The following SERP2 variants were observed in gnomAD, a reference collection of about 807,000 sequenced individuals.
The protein encoded by SERP2 is stress associated endoplasmic reticulum protein family member 2.
Under a neutral mutation model 9.1 loss-of-function variants are expected in SERP2, and 6 were observed. The observed-to-expected ratio is 0.66, with a 90% CI of 0.36 to 1.30. SERP2 has a LOEUF of 1.30. Ranked by LOEUF, SERP2 falls within the 50% of genes most tolerant of loss-of-function variation. The probability of loss-of-function intolerance (pLI) is 0.03; values close to 1 mark genes in which losing one functional copy is unlikely to be tolerated. For synonymous variants in SERP2, 37 were observed against 27.3 expected (o/e 1.35, Z -1.10); for missense variants, 58 against 81.9 (o/e 0.71, Z 1.13).
chr13:44,390,430 C>A, intron 2 of SERP2: 2 of 456,580 alleles, frequency 4.4e-6, no homozygotes, highest in Non-Finnish European at 8.8e-6. Context: ...GAGGGAGTCA[C>A]CCCACCCCCA....
At chr13:44,384,409 T>A (rs1872199885) in intron 2 of SERP2, among the ~76,000 whole-genome samples, 1 of 152,210 alleles carries the variant, frequency 6.6e-6, no homozygotes, top group Non-Finnish European at 1.5e-5. Context: ...TGCTTTGCTT[T>A]AGGTAATTAG....
At chr13:44,374,167 AAGGTGGGGGC>A in intron 1 of SERP2, 58 bp downstream of exon 1, 1 of 19,672 alleles carries the variant, frequency 5.1e-5, no homozygotes, top group Non-Finnish European at 6.9e-5. Flanking sequence ...GGTGGGGCGG[AAGGTGGGGGC>A]GGGGCCGGGC....
In SERP2 at chr13:44,394,147, A is replaced by T. The variant is rs182130525; in HGVS notation, c.158-3125A>T. On this transcript the variant is annotated intron_variant, in intron 2 of 2. Coordinates refer to ENST00000379179, the MANE Select transcript of SERP2 (RefSeq NM_001010897.3). ...TTCTTTCTATTATTTTTATTTATTT[A>T]TTTTTTTTGAGACGGAGTCTTGCTC... 2.6e-3 allele frequency among the ~76,000 whole-genome samples: 388 copies of T among 151,690 alleles called. 5 individuals are homozygous for T. The highest frequency in any genetic ancestry group is 0.023 in the Admixed American group (353 of 15,200).
intron 2 of SERP2, among the ~76,000 whole-genome samples, chr13:44,390,083 A>G (rs967787853): frequency 1.2e-4 from 18 of 152,200 alleles, no homozygotes; most frequent in African/African-American, 4.3e-4. Flanking sequence ...CTGTTTCCCT[A>G]GAAGTTGTAT....
chr13:44,382,573 T>C (rs1016443413), intron 2 of SERP2, among the ~76,000 whole-genome samples: 3 of 152,162 alleles, frequency 2.0e-5, no homozygotes, highest in Non-Finnish European at 4.4e-5. Flanking sequence ...AGTCTGTAGA[T>C]TGTCAGACCT....
chr13:44,379,674 T>C lies in SERP2; in HGVS notation c.118T>C (p.Trp40Arg). Residue 40 changes from tryptophan to arginine, a missense_variant, in exon 2 of 3, where the codon TGG becomes CGG. By Grantham distance (101) the Trp-to-Arg change is moderately radical. Coordinates refer to ENST00000379179, the MANE Select transcript of SERP2 (RefSeq NM_001010897.3). ...AGAGGAGAAATATCCTGTGGGACCA[T>C]GGCTGTTGGCACTGTTTGTTTTTGT... is the stretch of plus-strand genomic sequence containing the variant. ...PQEEKYPVGP[W>R]LLALFVFVVC... 1.2e-6 allele frequency: 2 copies of C among 1,613,392 alleles called. No individual in the cohort carries two copies. The highest frequency in any genetic ancestry group is 1.1e-5 in the South Asian group (1 of 90,966).
At chr13:44,377,730 C>T (rs955932680) in intron 1 of SERP2, among the ~76,000 whole-genome samples, 4 of 152,212 alleles carry the variant, frequency 2.6e-5, no homozygotes, top group Admixed American at 6.5e-5. Context: ...AATCCTACAC[C>T]AATTAGGAAT....
intron 1 of SERP2, among the ~76,000 whole-genome samples, chr13:44,377,547 C>T (rs1000932982): frequency 1.3e-5 from 2 of 152,194 alleles, no homozygotes; most frequent in African/African-American, 2.4e-5. Flanking sequence ...ATCTTGTCCT[C>T]GTCTGATTAA....
intron 2 of SERP2, among the ~76,000 whole-genome samples, chr13:44,383,306 C>T (rs914784480): frequency 1.3e-5 from 2 of 152,166 alleles, no homozygotes; most frequent in African/African-American, 4.8e-5. Flanking sequence ...TTTGGCGTGG[C>T]TTATTTTTCT....
chr13:44,383,835 G>A lies in SERP2; in HGVS notation c.157+4122G>A, dbSNP rs547054743. 9.7e-4 allele frequency among the ~76,000 whole-genome samples: 147 copies of A among 151,924 alleles called. 3 individuals carry two copies. Among genetic ancestry groups the A allele is most frequent in the South Asian group, 5.2e-3 (25 of 4,806 alleles). On this transcript the variant is annotated intron_variant, in intron 2 of 2. Coordinates refer to ENST00000379179, the MANE Select transcript of SERP2 (RefSeq NM_001010897.3). ...CAAAGTGCTGGGATTACAGGCATGA[G>A]CCAATGCGCTCGGCCACCCAGGGCT...
At chr13:44,382,436 CAAAAAAAAAA>C (rs71202274) in intron 2 of SERP2, among the ~76,000 whole-genome samples, 1 of 45,672 alleles carries the variant, frequency 2.2e-5, no homozygotes, top group Admixed American at 2.7e-4. Flanking sequence ...GACTCCGTCT[CAAAAAAAAAA>C]AAAAAAAAAA....
upstream of SERP2, chr13:44,373,724 C>A (rs891658420): frequency 9.5e-5 from 34 of 358,232 alleles, no homozygotes; most frequent in Middle Eastern, 7.8e-4. The surrounding 1 kb of genome is among the most constrained non-coding windows in gnomAD (Gnocchi z 4.8). Flanking sequence ...CGCGGGAGGA[C>A]GTGCGGTCGC....
rs1039667215 is a variant in SERP2 at position 44,397,588 on chromosome 13, G to T, written c.*276G>T. The T allele has an allele frequency of 1.6e-5, 8 of 492,242 alleles. No individual in the cohort carries two copies. Among genetic ancestry groups the T allele is most frequent in the African/African-American group, 1.6e-4 (8 of 51,310 alleles). The allele number at this position is 492,242 out of a possible 1,614,324, so 30.5% of individuals were successfully genotyped here. On this transcript the variant is annotated 3_prime_UTR_variant, in exon 3 of 3. Transcript: ENST00000379179. ...CGTCCGCAGCAGTGCTGTTTTTTTG[G>T]TTTTTCCCTTGGTTTCACTAATGCG...
intron 2 of SERP2, among the ~76,000 whole-genome samples, chr13:44,392,112 C>A (rs551481132): frequency 7.0e-6 from 1 of 143,322 alleles, no homozygotes; most frequent in Non-Finnish European, 1.5e-5. Flanking sequence ...GCTGGAGAAT[C>A]GCTTGAACCC....
At position 44,383,548 on chromosome 13, in the gene SERP2, T is replaced by TTG. The variant is rs200935882; in HGVS notation, c.157+3836_157+3837insGT. 6.1e-3 allele frequency among the ~76,000 whole-genome samples: 796 copies of TTG among 130,296 alleles called. 31 individuals carry two copies. Among genetic ancestry groups the TTG allele is most frequent in the South Asian group, 0.022 (84 of 3,906 alleles). The allele number at this position is 130,296 out of a possible 152,430, so 85.5% of individuals were successfully genotyped here. On this transcript the variant is annotated intron_variant, in intron 2 of 2. Transcript: ENST00000379179. ...TCCACCTCTCTGGAGGTTTGCGTTT[T>TTG]TTTTGTTTTTTTTTTTTTGAGACAG... is the stretch of plus-strand genomic sequence containing the variant.
At chr13:44,390,489 G>A (rs1356226677) in intron 2 of SERP2, 3 of 455,780 alleles carry the variant, frequency 6.6e-6, no homozygotes, top group African/African-American at 4.0e-5. Flanking sequence ...CTGAAGGAAA[G>A]ACTGAGGCCA....
intron 1 of SERP2, among the ~76,000 whole-genome samples, chr13:44,377,209 G>GT (rs758117371): frequency 1.3e-5 from 2 of 152,166 alleles, no homozygotes; most frequent in African/African-American, 2.4e-5. Flanking sequence ...CTGATCATCT[G>GT]TTTTTTCTGC....
chr13:44,395,605 A>G (rs1160109376), intron 2 of SERP2, among the ~76,000 whole-genome samples: 1 of 130,670 alleles, frequency 7.7e-6, no homozygotes, highest in Non-Finnish European at 1.7e-5. Flanking sequence ...CTCCGTCTCA[A>G]AAAAAAAAAA....
rs1242404040 is a variant in SERP2 at position 44,374,042 on chromosome 13, G to A, written c.17G>A (p.Arg6Gln). Residue 6 changes from arginine (R) to glutamine (Q), a missense_variant, in exon 1 of 3, where the codon CGG (arginine) becomes CAG (glutamine). Arg to Gln is a conservative substitution (Grantham distance 43). Coordinates refer to ENST00000379179, the MANE Select transcript of SERP2 (RefSeq NM_001010897.3). ...GCACAAGCCATGGTGGCCAAACAGCGGATCCGGATGGCTAACGAGAAGCAC... is the reference window on the plus strand; with the variant it reads ...GCACAAGCCATGGTGGCCAAACAGCAGATCCGGATGGCTAACGAGAAGCAC... MVAKQ[R>Q]IRMANEKHSK... 2 of 1,592,314 alleles carry A rather than the reference G, an allele frequency of 1.3e-6. No homozygotes were observed. Among genetic ancestry groups the A allele is most frequent in the South Asian group, 1.1e-5 (1 of 89,392 alleles).
Sources: gnomAD v4.1 joint callset for allele counts (sites outside exome capture counted in the v4.1 genomes callset) on GRCh38, gnomAD v4.1.1 for gene constraint, Gnocchi (gnomAD v3.1) non-coding constraint, MANE v1.5 for transcripts, NCBI Gene and HGNC (gene_info 2026-07-23, HGNC 2026-07-21) for gene names.